The following FBXO36 variants were observed in gnomAD, a reference collection of about 807,000 sequenced individuals.
FBXO36 encodes the protein F-box protein 36.
A neutral mutation model predicts 17.0 loss-of-function variants in FBXO36; 18 were observed. The ratio of observed to expected loss-of-function variants is 1.06; its 90% confidence interval spans 0.73 to 1.57. The LOEUF is 1.57. Among genes scored for constraint, FBXO36 ranks in the 40% most tolerant of loss-of-function variants. The pLI, the probability that FBXO36 is intolerant of heterozygous loss-of-function variation, is 0.00. For synonymous variants in FBXO36, 83 were observed against 85.3 expected, an observed-to-expected ratio of 0.97 and a Z score of 0.15; for missense variants, 229 against 221.9, an observed-to-expected ratio of 1.03 and a Z score of -0.20.
intron 2 of FBXO36, among the ~76,000 whole-genome samples, chr2:229,992,146 A>G (rs936526497): frequency 6.7e-6 from 1 of 149,184 alleles, no homozygotes; most frequent in Non-Finnish European, 1.5e-5. Flanking sequence ...CATAAGTTGC[A>G]TTTTTTTCTC....
intron 1 of FBXO36, among the ~76,000 whole-genome samples, chr2:229,957,169 A>G (rs965755780): frequency 2.6e-5 from 4 of 152,234 alleles, no homozygotes; most frequent in African/African-American, 9.6e-5. Context: ...TCACTAGCAG[A>G]TAGGCACTGA....
intron 2 of FBXO36, among the ~76,000 whole-genome samples, chr2:229,993,988 G>A (rs2106208306): frequency 6.6e-6 from 1 of 151,840 alleles, no homozygotes; most frequent in South Asian, 2.1e-4. Flanking sequence ...TAGCCAGGTT[G>A]GTCTCGATCT....
chr2:229,932,024 C>A (rs1269446352), intron 1 of FBXO36, among the ~76,000 whole-genome samples: 1 of 151,520 alleles, frequency 6.6e-6, no homozygotes, highest in Non-Finnish European at 1.5e-5. Flanking sequence ...TCAAGCAATC[C>A]ACCCACTTTA....
intron 1 of FBXO36, among the ~76,000 whole-genome samples, chr2:229,931,711 T>A (rs2076939151): frequency 6.6e-6 from 1 of 151,764 alleles, no homozygotes; most frequent in Non-Finnish European, 1.5e-5. Flanking sequence ...TGGTAGTGCA[T>A]GCCTGTAATC....
chr2:229,924,408 G>T (rs1490351028), intron 1 of FBXO36, among the ~76,000 whole-genome samples: 2 of 152,034 alleles, frequency 1.3e-5, no homozygotes, highest in African/African-American at 4.8e-5. Context: ...TAAGATTTAT[G>T]ATCCTAACAT....
intron 2 of FBXO36, among the ~76,000 whole-genome samples, chr2:229,990,171 GAAT>G (rs1010467829): frequency 6.6e-6 from 1 of 150,412 alleles, no homozygotes; most frequent in Non-Finnish European, 1.5e-5. Flanking sequence ...TATAAGAGGG[GAAT>G]AATAATAGTA....
intron 1 of FBXO36, among the ~76,000 whole-genome samples, chr2:229,971,256 G>A (rs1284162548): frequency 6.6e-6 from 1 of 151,790 alleles, no homozygotes; most frequent in African/African-American, 2.4e-5. Context: ...TCAGGAGGCT[G>A]AGGCAAGAGA....
chr2:229,959,528 A>G (rs1577341706), intron 1 of FBXO36, among the ~76,000 whole-genome samples: 3 of 152,182 alleles, frequency 2.0e-5, no homozygotes, highest in East Asian at 1.9e-4. Flanking sequence ...CTTTATTGTA[A>G]TAGAACATTT....
intron 2 of FBXO36, among the ~76,000 whole-genome samples, chr2:229,979,458 G>GGTTTT (rs1411608045): frequency 6.6e-6 from 1 of 151,594 alleles, no homozygotes; most frequent in Non-Finnish European, 1.5e-5. Flanking sequence ...AGAGAGGGAA[G>GGTTTT]GTTTTGTTTT....
chr2:229,987,064 A>T (rs1242038218), intron 2 of FBXO36, among the ~76,000 whole-genome samples: 1 of 151,594 alleles, frequency 6.6e-6, no homozygotes, highest in Non-Finnish European at 1.5e-5. Flanking sequence ...CTAAAAATAT[A>T]AAAAAATTAG....
chr2:229,982,685 T>A (rs2077246843), intron 2 of FBXO36, among the ~76,000 whole-genome samples: 1 of 148,232 alleles, frequency 6.7e-6, no homozygotes, highest in South Asian at 2.1e-4. Context: ...TGGGCACCTG[T>A]AATCCCAGCT....
At chr2:229,979,350 G>GTA (rs553270363) in intron 2 of FBXO36, among the ~76,000 whole-genome samples, 2,230 of 148,934 alleles carry the variant, frequency 0.015, 44 homozygotes, top group African/African-American at 0.05. Flanking sequence ...TAGTGTGTGT[G>GTA]TATATATATA....
intron 2 of FBXO36, among the ~76,000 whole-genome samples, chr2:229,985,269 C>T (rs1242625481): frequency 6.6e-6 from 1 of 152,056 alleles, no homozygotes; most frequent in Non-Finnish European, 1.5e-5. Flanking sequence ...TTAAAATTTA[C>T]GTAAAATACC....
At chr2:230,007,638 G>A (rs1318777986) in intron 3 of FBXO36, among the ~76,000 whole-genome samples, 1 of 151,884 alleles carries the variant, frequency 6.6e-6, no homozygotes, top group Non-Finnish European at 1.5e-5. Flanking sequence ...GTCTCGCTCT[G>A]TTGCCCAGGC....
intron 1 of FBXO36, among the ~76,000 whole-genome samples, chr2:229,942,044 T>G (rs1050938864): frequency 2.0e-5 from 3 of 152,040 alleles, no homozygotes; most frequent in African/African-American, 4.8e-5. Flanking sequence ...TTAGATGGGC[T>G]TAATGCTTCC....
At chr2:229,998,858 A>G (rs2077341811) in intron 3 of FBXO36, among the ~76,000 whole-genome samples, 1 of 145,936 alleles carries the variant, frequency 6.9e-6, no homozygotes, top group Non-Finnish European at 1.5e-5. Context: ...GCTGAAGTGC[A>G]GTGGCGCGAT....
At chr2:229,943,786 AGT>A (rs1167891704) in intron 1 of FBXO36, among the ~76,000 whole-genome samples, 1 of 152,164 alleles carries the variant, frequency 6.6e-6, no homozygotes, top group African/African-American at 2.4e-5. Flanking sequence ...ACAGAGTAGC[AGT>A]GTCTGTTTGC....
At chr2:229,946,476 G>A (rs976990661) in intron 1 of FBXO36, among the ~76,000 whole-genome samples, 2 of 152,156 alleles carry the variant, frequency 1.3e-5, no homozygotes. Context: ...GAAAGCTTAG[G>A]AAATAATAAG....
chr2:229,936,960 C>A (rs1233477864), intron 1 of FBXO36, among the ~76,000 whole-genome samples: 1 of 152,122 alleles, frequency 6.6e-6, no homozygotes, highest in African/African-American at 2.4e-5. Context: ...AAGCCTGATC[C>A]ATGTAGCTGA....
Sources: gnomAD v4.1 joint callset for allele counts (sites outside exome capture counted in the v4.1 genomes callset) on GRCh38, gnomAD v4.1.1 for gene constraint, MANE v1.5 for transcripts, NCBI Gene and HGNC (gene_info 2026-07-23, HGNC 2026-07-21) for gene names.